Variants in COL6A6 observed in about 807,000 individuals in gnomAD.
The protein encoded by COL6A6 is collagen type VI alpha 6 chain.
COL6A6 carries 183 observed loss-of-function variants against 208.6 expected under a neutral mutation model. The ratio of observed to expected loss-of-function variants is 0.88; its 90% CI spans 0.78 to 0.99. The LOEUF is 0.99. Among genes scored for constraint, COL6A6 ranks in the 50% least tolerant of loss-of-function variants. The pLI, the probability that COL6A6 is intolerant of heterozygous loss-of-function variation, is 0.00. For missense variants in COL6A6, 2,816 were observed against 2,815.2 expected (o/e 1.00, Z -0.01); for synonymous variants, 973 against 1,011.8 (o/e 0.96, Z 0.73).
chr3:130,523,392 C>T (rs917596870), intron 1 of COL6A6, among the ~76,000 whole-genome samples: 10 of 152,162 alleles, frequency 6.6e-5, no homozygotes, highest in African/African-American at 1.4e-4. Context: ...TTCATGTTCA[C>T]CAGACTGCCT....
chr3:130,662,475 C>T (rs1188202894), intron 35 of COL6A6, among the ~76,000 whole-genome samples, 167 bp downstream of exon 35: 2 of 152,062 alleles, frequency 1.3e-5, no homozygotes, highest in Non-Finnish European at 2.9e-5. Context: ...AGGGAGGAAA[C>T]CTCTGATTCC....
At chr3:130,647,569 G>C (rs1297037922) in intron 32 of COL6A6, among the ~76,000 whole-genome samples, 2 of 152,142 alleles carry the variant, frequency 1.3e-5, no homozygotes, top group Non-Finnish European at 2.9e-5. Flanking sequence ...TTTGATTTGG[G>C]TTTGAACATT....
rs75380618 is a variant in COL6A6, at chr3:130,661,390, A to T, written c.5831-247A>T. On this transcript the variant is annotated intron_variant, in intron 34 of 36. Coordinates refer to ENST00000358511, the MANE Select transcript of COL6A6 (RefSeq NM_001102608.3). ...AGCCAAGATTAAACTTCTGTTGAAA[A>T]CAGCCTAATCTTTAAAAGTCTGATA... 8.4e-3 allele frequency among the ~76,000 whole-genome samples: 1,279 copies of T among 152,300 alleles called. 19 individuals are homozygous for T. Among genetic ancestry groups the T allele is most frequent in the East Asian group, 0.053 (273 of 5,180 alleles).
At chr3:130,653,499 G>A (rs2065703304) in intron 33 of COL6A6, among the ~76,000 whole-genome samples, 1 of 152,072 alleles carries the variant, frequency 6.6e-6, no homozygotes, top group South Asian at 2.1e-4. Flanking sequence ...GTTTAGACAT[G>A]CCCCATGATG....
At chr3:130,574,673 A>T (rs766762126) in intron 8 of COL6A6, 148 bp downstream of exon 8, 3 of 685,772 alleles carry the variant, frequency 4.4e-6, no homozygotes, top group Non-Finnish European at 7.3e-6. Flanking sequence ...GTTATTAAAT[A>T]TTTGTCTTGA....
At chr3:130,642,618 G>A (rs2065348623) in intron 29 of COL6A6, among the ~76,000 whole-genome samples, 1 of 152,204 alleles carries the variant, frequency 6.6e-6, no homozygotes, top group Non-Finnish European at 1.5e-5. Flanking sequence ...CTCAAGGCTT[G>A]TGTGCACCAA....
chr3:130,550,105 C>G (rs2062609471), intron 1 of COL6A6, among the ~76,000 whole-genome samples: 1 of 151,990 alleles, frequency 6.6e-6, no homozygotes, highest in Admixed American at 6.6e-5. Context: ...TGGCTCTCAT[C>G]TTGGATGCTG....
chr3:130,568,356 C>G lies in COL6A6; in HGVS notation c.2153C>G (p.Ala718Gly). ...CAGTACTTCAGCCCCACCAAGGGCG[C>G]CCGGCCCAACATCAGAAAGTTTCTC... ...VSQYFSPTKGARPNIRKFLIL... is the reference protein window; with the variant it reads ...VSQYFSPTKGGRPNIRKFLIL... Residue 718 changes from alanine to glycine, a missense_variant, in exon 6 of 37, where the codon GCC (alanine) becomes GGC (glycine). Coordinates refer to ENST00000358511, the MANE Select transcript of COL6A6 (RefSeq NM_001102608.3). 1.2e-6 allele frequency: 2 copies of G among 1,613,986 alleles called. No individual in the cohort carries two copies. The highest frequency in any genetic ancestry group is 1.7e-6 in the Non-Finnish European group (2 of 1,179,888).
intron 33 of COL6A6, among the ~76,000 whole-genome samples, chr3:130,651,123 A>G (rs1331107939): frequency 1.3e-5 from 2 of 152,206 alleles, no homozygotes; most frequent in African/African-American, 4.8e-5. Context: ...GTACGTAGTG[A>G]GCAATCAAGA....
Position 130,674,620 on chromosome 3 carries a change from T to C in COL6A6, c.6597-582T>C, listed in dbSNP as rs190119592. Reference sequence around the variant, plus strand: ...GAAAGGAAGAGATGAAATAAGGGAATGGCATACATTCATGCTTTCATTAGA... The same window carrying C: ...GAAAGGAAGAGATGAAATAAGGGAACGGCATACATTCATGCTTTCATTAGA... On this transcript the variant is annotated intron_variant, in intron 36 of 36. Transcript: ENST00000358511. Among the ~76,000 whole-genome samples the C allele has an allele frequency of 2.6e-5, 4 of 152,350 alleles. No individual in the cohort carries two copies. The East Asian group carries it at 7.7e-4, about 29-fold the overall frequency.
At position 130,563,232 on chromosome 3, in the gene COL6A6, A is replaced by G; in HGVS notation, c.229A>G (p.Ser77Gly). 2 of 1,614,048 alleles carry G rather than the reference A, an allele frequency of 1.2e-6. No homozygotes were observed. The highest frequency in any genetic ancestry group is 8.5e-7 in the Non-Finnish European group (1 of 1,179,894). ...ALAQYSDKLH[S>G]EFHLSTFKGR... Reference sequence around the variant, plus strand: ...GGCCCAGTACAGTGATAAACTTCACAGTGAATTCCACCTGAGCACCTTCAA... The same window carrying G: ...GGCCCAGTACAGTGATAAACTTCACGGTGAATTCCACCTGAGCACCTTCAA... The change falls in exon 3 of 37, where the codon AGT (serine) becomes GGT (glycine). Residue 77 changes from serine to glycine, a missense_variant. Physicochemically the swap from Ser to Gly is moderately conservative, Grantham distance 56. Coordinates refer to ENST00000358511, the MANE Select transcript of COL6A6 (RefSeq NM_001102608.3).
intron 7 of COL6A6, among the ~76,000 whole-genome samples, chr3:130,573,680 A>C (rs2063220340): frequency 6.7e-6 from 1 of 148,876 alleles, no homozygotes; most frequent in Admixed American, 6.8e-5. Flanking sequence ...CATTCTCCTG[A>C]CTCAGGCTCC....
rs752120392 is a variant in COL6A6 at position 130,621,831 on chromosome 3, G to A, written c.4826G>A (p.Gly1609Glu). ...CTTGTTTTGTTTCAGGGGCCTCCAG[G>A]ACCCGGAGGAGAGGCAGGGAATCAA... ...VGSKGPQGPP[G>E]PGGEAGNQGR... The change falls in exon 24 of 37, where the codon GGA becomes GAA. Residue 1609 changes from glycine to glutamate, a missense_variant. Coordinates refer to ENST00000358511, the MANE Select transcript of COL6A6 (RefSeq NM_001102608.3). 1 of 1,613,732 alleles carries A rather than the reference G, an allele frequency of 6.2e-7. No homozygotes were observed. The highest frequency in any genetic ancestry group is 8.5e-7 in the Non-Finnish European group (1 of 1,179,812).
chr3:130,582,868 A>C (rs1223799212), intron 10 of COL6A6, among the ~76,000 whole-genome samples: 1 of 152,206 alleles, frequency 6.6e-6, no homozygotes, highest in African/African-American at 2.4e-5. Flanking sequence ...CTTGGGCAGC[A>C]GATAAGATTA....
In COL6A6 at chr3:130,566,963, C is replaced by T; in HGVS notation, c.1544C>T (p.Thr515Ile). The T allele has an allele frequency of 6.2e-7, 1 of 1,614,030 alleles. No homozygotes were observed. Among genetic ancestry groups the T allele is most frequent in the Non-Finnish European group, 8.5e-7 (1 of 1,179,888 alleles). The change falls in exon 5 of 37, where the codon ACA (threonine) becomes ATA (isoleucine). Residue 515 changes from threonine (T) to isoleucine (I), a missense_variant. Thr to Ile is a moderately conservative substitution (Grantham distance 89). Transcript: ENST00000358511. ...AGGCAGATGGGTGGGAATACAAACA[C>T]AGGCGCAGCACTGAATTTCACACTG... is the stretch of plus-strand genomic sequence containing the variant. ...NIRQMGGNTN[T>I]GAALNFTLSL... is the part of the protein sequence containing the mutation.
intron 1 of COL6A6, among the ~76,000 whole-genome samples, chr3:130,535,482 A>G (rs915162970): frequency 1.3e-5 from 2 of 150,978 alleles, no homozygotes; most frequent in Admixed American, 1.3e-4. Context: ...TTTATTAGCC[A>G]GTGGTCTTGG....
intron 1 of COL6A6, among the ~76,000 whole-genome samples, chr3:130,547,828 C>T (rs111907547): frequency 0.01 from 1,537 of 152,324 alleles, 13 homozygotes; most frequent in African/African-American, 0.021. Flanking sequence ...GAGGGAGTCT[C>T]GCTCTGTCAC....
At chr3:130,551,702 T>G (rs1353611279) in intron 1 of COL6A6, among the ~76,000 whole-genome samples, 1 of 151,936 alleles carries the variant, frequency 6.6e-6, no homozygotes, top group Non-Finnish European at 1.5e-5. Flanking sequence ...TCTGCTAGCT[T>G]TGGGTTCAGT....
chr3:130,533,472 T>A (rs559418963), intron 1 of COL6A6, among the ~76,000 whole-genome samples: 1 of 152,314 alleles, frequency 6.6e-6, no homozygotes, highest in African/African-American at 2.4e-5. Context: ...TCTTATGACT[T>A]TTTTCAAATA....
Sources: gnomAD v4.1 joint callset for allele counts (sites outside exome capture counted in the v4.1 genomes callset) on GRCh38, gnomAD v4.1.1 for gene constraint, MANE v1.5 for transcripts, NCBI Gene and HGNC (gene_info 2026-07-23, HGNC 2026-07-21) for gene names.